The following DNAL1 variants were observed in gnomAD, a reference collection of about 807,000 sequenced individuals.
The protein encoded by DNAL1 is chromosome 14 open reading frame 168.
DNAL1 carries 17 observed loss-of-function variants against 29.4 expected under a neutral mutation model. That is an observed-to-expected ratio of 0.58 (90% CI 0.40 to 0.87). The LOEUF (loss-of-function observed/expected upper bound fraction) is 0.87, where lower values mean the gene tolerates loss of function less well. Ranked by LOEUF, DNAL1 falls within the 40% of genes least tolerant of loss-of-function variation. DNAL1 has a pLI of 0.00. For synonymous variants in DNAL1, 78 were observed against 76.3 expected (o/e 1.02, Z -0.12); for missense variants, 188 against 214.1 (o/e 0.88, Z 0.76).
chr14:73,673,770 A>G (rs1186159132), intron 5 of DNAL1, among the ~76,000 whole-genome samples: 1 of 151,868 alleles, frequency 6.6e-6, no homozygotes, highest in Non-Finnish European at 1.5e-5. Flanking sequence ...GTACATGCCT[A>G]TAGTCCCAGC....
chr14:73,662,506 T>TATTATA (rs1168540389), intron 4 of DNAL1, among the ~76,000 whole-genome samples: 1 of 152,186 alleles, frequency 6.6e-6, no homozygotes, highest in African/African-American at 2.4e-5. Context: ...ATATATTCTC[T>TATTATA]TATGGTTCTG....
At chr14:73,688,703 G>T (rs1892083549) in intron 6 of DNAL1, among the ~76,000 whole-genome samples, 1 of 152,198 alleles carries the variant, frequency 6.6e-6, no homozygotes, top group African/African-American at 2.4e-5. Flanking sequence ...AAAGATGAGG[G>T]AATGGGTACA....
chr14:73,689,359 ATTC>A lies in DNAL1; in HGVS notation c.392-13_392-11del, dbSNP rs753349035. On this transcript the variant is annotated splice_polypyrimidine_tract_variant and intron_variant, in intron 6 of 7. Transcript: ENST00000553645. ...AACTTAGTGTTTTAATATGGAAAAT[ATTC>A]TTTTACTTGTAGCTGAGTTTGTGAA... 13 of 1,551,446 alleles carry A rather than the reference ATTC, an allele frequency of 8.4e-6. No homozygotes were observed. The highest frequency in any genetic ancestry group is 1.2e-5 in the South Asian group (1 of 84,052).
At chr14:73,677,884 T>TATATTTGTGTGTGTGTG (rs1555402397) in intron 5 of DNAL1, among the ~76,000 whole-genome samples, 3 of 96,130 alleles carry the variant, frequency 3.1e-5, no homozygotes, top group Non-Finnish European at 4.4e-5. Context: ...ATATATATAT[T>TATATTTGTGTGTGTGTG]TGTGTGTGTG....
chr14:73,657,177 A>G (rs1166904307), intron 2 of DNAL1, among the ~76,000 whole-genome samples: 1 of 152,134 alleles, frequency 6.6e-6, no homozygotes. Flanking sequence ...TAGGAAAACA[A>G]AGGAAATGGC....
At chr14:73,695,861 T>A (rs1217545375) in intron 7 of DNAL1, 41 bp from the exon 8 acceptor site, 2 of 1,515,694 alleles carry the variant, frequency 1.3e-6, no homozygotes, top group Non-Finnish European at 1.8e-6. Context: ...TTTTAGCAAT[T>A]TTTTGAGAAT....
rs886050725 is a variant in DNAL1, at chr14:73,702,959, A to AG, written c.*7018dup. 6.6e-6 allele frequency: 1 copy of AG among 151,840 alleles called. No individual in the cohort carries two copies. Among genetic ancestry groups the AG allele is most frequent in the African/African-American group, 2.4e-5 (1 of 41,340 alleles). 9.4% of individuals were successfully genotyped at this position (151,840 alleles called of 1,614,324 possible). A position where few individuals can be genotyped will look rare whatever the true frequency, so the allele number is the denominator to read the frequency against. On this transcript the variant is annotated 3_prime_UTR_variant, in exon 8 of 8. Coordinates refer to ENST00000553645, the MANE Select transcript of DNAL1 (RefSeq NM_031427.4). ...ACCCCATCTCTACAAAAAAAAAAAA[A>AG]GAAAAAAAAAATTAGTTGGGCATGG...
chr14:73,672,667 G>C (rs1437427751), intron 5 of DNAL1, among the ~76,000 whole-genome samples: 1 of 149,816 alleles, frequency 6.7e-6, no homozygotes. Flanking sequence ...AATAAAGGAA[G>C]TTTCCTAACC....
At chr14:73,668,590 A>C (rs992395409) in intron 4 of DNAL1, among the ~76,000 whole-genome samples, 3 of 152,138 alleles carry the variant, frequency 2.0e-5, no homozygotes, top group Admixed American at 2.0e-4. Flanking sequence ...CTGGAGGGTA[A>C]AAGTCCTGTA....
intron 4 of DNAL1, 66 bp downstream of exon 4, chr14:73,662,108 C>A: frequency 7.4e-7 from 1 of 1,353,564 alleles, no homozygotes; most frequent in Non-Finnish European, 1.0e-6. Flanking sequence ...ATTCCGGAGA[C>A]AATATGTAAT....
chr14:73,697,843 A>C lies in DNAL1; in HGVS notation c.*1901A>C, dbSNP rs1892338940. On this transcript the variant is annotated 3_prime_UTR_variant, in exon 8 of 8. Transcript: ENST00000553645. ...ATCTGATAGGAAGAAACCTTATTCT[A>C]CTCTAGCTGGTTTATGCATTCAAAG... The C allele has an allele frequency of 6.6e-6, 1 of 150,714 alleles. No individual in the cohort carries two copies. Among genetic ancestry groups the C allele is most frequent in the Non-Finnish European group, 1.5e-5 (1 of 67,830 alleles). 9.3% of individuals were successfully genotyped at this position (150,714 alleles called of 1,614,324 possible). A position where few individuals can be genotyped will look rare whatever the true frequency, so the allele number is the denominator to read the frequency against.
chr14:73,662,149 T>A, intron 4 of DNAL1, 107 bp downstream of exon 4: 1 of 935,358 alleles, frequency 1.1e-6, no homozygotes, highest in Non-Finnish European at 1.6e-6. Context: ...TTAGCCATAC[T>A]TGTTGTCAGA....
chr14:73,669,968 T>G (rs533205129), intron 4 of DNAL1, among the ~76,000 whole-genome samples: 2 of 144,694 alleles, frequency 1.4e-5, no homozygotes, highest in African/African-American at 4.9e-5. Flanking sequence ...ATATGCCTGA[T>G]TCTCACACAC....
At chr14:73,679,556 A>C (rs983213109) in intron 5 of DNAL1, among the ~76,000 whole-genome samples, 2 of 152,210 alleles carry the variant, frequency 1.3e-5, no homozygotes, top group Non-Finnish European at 2.9e-5. Flanking sequence ...GAAGAGGAAG[A>C]AGCAGAAGAC....
At chr14:73,649,512 G>C (rs1019768142) in intron 1 of DNAL1, among the ~76,000 whole-genome samples, 1 of 151,256 alleles carries the variant, frequency 6.6e-6, no homozygotes, top group Non-Finnish European at 1.5e-5. Context: ...TCGATCTCCT[G>C]ACCTCGTGAT....
intron 4 of DNAL1, among the ~76,000 whole-genome samples, chr14:73,668,497 T>A (rs368471131): frequency 6.6e-6 from 1 of 152,196 alleles, no homozygotes; most frequent in Non-Finnish European, 1.5e-5. Context: ...TTTATAGTTA[T>A]ATGGGATATA....
intron 5 of DNAL1, among the ~76,000 whole-genome samples, chr14:73,679,334 G>C (rs1408292751): frequency 6.6e-6 from 1 of 151,990 alleles, no homozygotes; most frequent in African/African-American, 2.4e-5. Context: ...TTTAAATCTT[G>C]TGTACATTTT....
At chr14:73,691,846 AC>A (rs775100350) in intron 7 of DNAL1, among the ~76,000 whole-genome samples, 6,009 of 102,860 alleles carry the variant, frequency 0.058, 390 homozygotes, top group African/African-American at 0.2. Context: ...GGCGTGCGCC[AC>A]CCCCCCCCCC....
rs776764487 is a variant in DNAL1, at chr14:73,644,997, G to T, written c.-43G>T. On this transcript the variant is annotated 5_prime_UTR_variant, in exon 1 of 8. Transcript: ENST00000553645. ...AGAAGTGCGCACGCGCACTGACCCC[G>T]CGGGCCCTAGCAACCAGAGCAGTGA... 12 of 1,605,498 alleles carry T rather than the reference G, an allele frequency of 7.5e-6. No homozygotes were observed. In the Middle Eastern group the frequency reaches 1.7e-3, roughly 221 times the overall value.
Sources: gnomAD v4.1 joint callset for allele counts (sites outside exome capture counted in the v4.1 genomes callset) on GRCh38, gnomAD v4.1.1 for gene constraint, MANE v1.5 for transcripts, NCBI Gene and HGNC (gene_info 2026-07-23, HGNC 2026-07-21) for gene names.